ZFAT: variants seen among roughly 807,000 people sequenced by gnomAD.
ZFAT encodes the protein zinc finger and AT-hook domain containing, also known as zinc finger protein ZFAT.
In ZFAT, 64 loss-of-function variants were observed where a neutral mutation model predicts 117.7. The observed-to-expected ratio is 0.54, with a 90% confidence interval of 0.44 to 0.67. ZFAT has a LOEUF of 0.67. Among genes scored for constraint, ZFAT ranks in the 30% least tolerant of loss-of-function variants. The pLI is 0.00. For missense variants in ZFAT, 1,433 were observed against 1,584.5 expected, an observed-to-expected ratio of 0.90 and a Z score of 1.62; for synonymous variants, 679 against 615.0, an observed-to-expected ratio of 1.10 and a Z score of -1.54.
At chr8:134,520,018 A>G in intron 13 of ZFAT, among the ~76,000 whole-genome samples, 1 of 152,116 alleles carries the variant, frequency 6.6e-6, no homozygotes, top group East Asian at 1.9e-4. Context: ...CAATGTCATG[A>G]TGTATTATTT....
the ZFAT span, among the ~76,000 whole-genome samples, chr8:134,758,691 T>C: frequency 6.6e-6 from 1 of 152,248 alleles, no homozygotes; most frequent in African/African-American, 2.4e-5. Flanking sequence ...TCTGGCAACT[T>C]ATCAGCGAAT....
At chr8:134,609,157 C>T (rs201964970) in intron 4 of ZFAT, among the ~76,000 whole-genome samples, 3 of 121,828 alleles carry the variant, frequency 2.5e-5, no homozygotes, top group African/African-American at 8.4e-5. Context: ...TACACATATA[C>T]ACACACACAC....
chr8:134,813,589 A>G, the ZFAT span, among the ~76,000 whole-genome samples: 4 of 152,072 alleles, frequency 2.6e-5, no homozygotes, highest in Non-Finnish European at 5.9e-5. Context: ...ATGTTTTTGT[A>G]TTTTTAGTAG....
chr8:134,603,188 G>A (rs907356912), intron 5 of ZFAT, among the ~76,000 whole-genome samples: 1 of 152,082 alleles, frequency 6.6e-6, no homozygotes, highest in African/African-American at 2.4e-5. Flanking sequence ...TGTATTGATA[G>A]GAATATGCAC....
intron 1 of ZFAT, among the ~76,000 whole-genome samples, chr8:134,671,769 C>G (rs1040327743): frequency 7.9e-5 from 12 of 152,048 alleles, no homozygotes; most frequent in East Asian, 1.9e-4. Context: ...TCAGGCAGGA[C>G]AAAGAAATAA....
At chr8:134,530,980 T>C (rs1055273634) in intron 12 of ZFAT, among the ~76,000 whole-genome samples, 3 of 152,058 alleles carry the variant, frequency 2.0e-5, no homozygotes, top group African/African-American at 4.8e-5. Flanking sequence ...CTGGAACCAA[T>C]CCCCCATGGA....
the ZFAT span, among the ~76,000 whole-genome samples, chr8:134,778,042 T>C: frequency 3.3e-5 from 5 of 152,158 alleles, no homozygotes; most frequent in Admixed American, 2.6e-4. Context: ...AGCTTTCAAA[T>C]TACCCCCATT....
the ZFAT span, among the ~76,000 whole-genome samples, chr8:134,824,694 CAGA>C: frequency 1.3e-5 from 2 of 152,144 alleles, no homozygotes; most frequent in African/African-American, 4.8e-5. Context: ...TCATCAATTA[CAGA>C]AGTAGTCATA....
intron 10 of ZFAT, among the ~76,000 whole-genome samples, chr8:134,569,062 G>A (rs185657338): frequency 5.1e-4 from 77 of 152,246 alleles, no homozygotes; most frequent in African/African-American, 1.8e-3. Context: ...GAGGTTGACT[G>A]ATAAAAAGTA....
chr8:134,727,124 A>G, the ZFAT span, among the ~76,000 whole-genome samples: 1 of 150,660 alleles, frequency 6.6e-6, no homozygotes, highest in Non-Finnish European at 1.5e-5. Flanking sequence ...AAGGAGTGAC[A>G]CGAAGTGGAG....
At chr8:134,614,129 A>ACCCTTCATCAGGCTTCCTTCCCATCT (rs1828551382) in intron 3 of ZFAT, among the ~76,000 whole-genome samples, 2 of 151,888 alleles carry the variant, frequency 1.3e-5, no homozygotes. Flanking sequence ...CCTGCTTAAA[A>ACCCTTCATCAGGCTTCCTTCCCATCT]CCCTTCATCA....
the ZFAT span, among the ~76,000 whole-genome samples, chr8:134,757,144 G>T: frequency 2.7e-5 from 4 of 149,216 alleles, no homozygotes; most frequent in Non-Finnish European, 4.4e-5. Flanking sequence ...AGCCTCCCAA[G>T]TAGCTGGGAC....
At chr8:134,610,428 G>C (rs781684528) in intron 4 of ZFAT, 42 bp downstream of exon 4, 38 of 1,582,690 alleles carry the variant, frequency 2.4e-5, no homozygotes, top group Non-Finnish European at 3.3e-5. Flanking sequence ...GCACAGACTT[G>C]CCAAGGGTCT....
At chr8:134,785,952 C>T in the ZFAT span, 1 of 152,148 alleles carries the variant, frequency 6.6e-6, no homozygotes, top group Non-Finnish European at 1.5e-5. Context: ...CTGCTCCATT[C>T]ATTTTAGTCT....
chr8:134,719,477 T>C, the ZFAT span, among the ~76,000 whole-genome samples: 1 of 152,156 alleles, frequency 6.6e-6, no homozygotes, highest in Non-Finnish European at 1.5e-5. Flanking sequence ...AGAGCCAACA[T>C]ACAGGGTGCT....
chr8:134,649,406 A>C (rs535244298), intron 2 of ZFAT, among the ~76,000 whole-genome samples: 1 of 152,318 alleles, frequency 6.6e-6, no homozygotes, highest in African/African-American at 2.4e-5. Context: ...TTATATGTAA[A>C]GACTCCTGAG....
the ZFAT span, chr8:134,785,198 G>T: frequency 5.3e-5 from 8 of 152,084 alleles, no homozygotes; most frequent in Middle Eastern, 3.2e-3. Context: ...TTGACCTTTT[G>T]GTTCTCTCTC....
rs143422946 is a variant in ZFAT at position 134,699,922 on chromosome 8, G to A, written c.19+12923C>T. On this transcript the variant is annotated intron_variant, in intron 1 of 15. Coordinates refer to ENST00000377838, the MANE Select transcript of ZFAT (RefSeq NM_020863.4). ...TCAGGCAGAAGGCTGGCACGCACCC[G>A]TGGGGAGCTAAGTGGCATACAGGCA... 5.4e-3 allele frequency among the ~76,000 whole-genome samples: 815 copies of A among 152,304 alleles called. 10 individuals are homozygous for A. Among genetic ancestry groups the A allele is most frequent in the African/African-American group, 0.018 (760 of 41,566 alleles).
At chr8:134,532,420 C>T (rs1821483907) in intron 12 of ZFAT, among the ~76,000 whole-genome samples, 1 of 152,136 alleles carries the variant, frequency 6.6e-6, no homozygotes. Flanking sequence ...ACAAAAAGCC[C>T]TTGGAAATCA....
Sources: gnomAD v4.1 joint callset for allele counts (sites outside exome capture counted in the v4.1 genomes callset) on GRCh38, gnomAD v4.1.1 for gene constraint, MANE v1.5 for transcripts, NCBI Gene and HGNC (gene_info 2026-07-23, HGNC 2026-07-21) for gene names.